Variants in B4GALT5 observed in about 807,000 individuals in gnomAD.
The protein encoded by B4GALT5 is beta-1,4-galactosyltransferase 5, also known as UDP-Gal:beta-GlcNAc beta-1,4-galactosyltransferase 5.
Under a neutral mutation model 45.0 loss-of-function variants are expected in B4GALT5, and 11 were observed. The observed-to-expected ratio is 0.24, with a 90% CI of 0.15 to 0.40. B4GALT5 has a LOEUF of 0.40. Ranked by LOEUF, B4GALT5 falls within the 10% of genes least tolerant of loss-of-function variation. The probability of loss-of-function intolerance (pLI) is 1.00; values close to 1 mark genes in which losing one functional copy is unlikely to be tolerated. For synonymous variants in B4GALT5, 185 were observed against 182.9 expected (o/e 1.01, Z -0.09); for missense variants, 337 against 500.2 (o/e 0.67, Z 3.11).
intron 1 of B4GALT5, among the ~76,000 whole-genome samples, chr20:49,681,334 T>C (rs2085763401): frequency 6.6e-6 from 1 of 151,368 alleles, no homozygotes; most frequent in Non-Finnish European, 1.5e-5. Context: ...GAGCGCTACA[T>C]GCATCCGTAA....
At chr20:49,666,482 A>G (rs958810496) in intron 1 of B4GALT5, among the ~76,000 whole-genome samples, 2 of 152,226 alleles carry the variant, frequency 1.3e-5, no homozygotes, top group African/African-American at 4.8e-5. Context: ...TAAATTCCAG[A>G]AAAACACTGG....
chr20:49,670,445 G>C (rs548631120), intron 1 of B4GALT5, among the ~76,000 whole-genome samples: 1 of 152,034 alleles, frequency 6.6e-6, no homozygotes, highest in East Asian at 1.9e-4. Flanking sequence ...ATTTTTTTGA[G>C]ACAGGGTCTT....
intron 2 of B4GALT5, among the ~76,000 whole-genome samples, chr20:49,655,067 G>C (rs1452464586): frequency 1.3e-5 from 2 of 151,932 alleles, no homozygotes; most frequent in African/African-American, 4.8e-5. Context: ...GGAGGTCAAG[G>C]CTGCAGTGAG....
Position 49,642,458 on chromosome 20 carries a change from G to A in B4GALT5, c.606+10C>T, listed in dbSNP as rs1272730447. 4 of 1,577,462 alleles carry A rather than the reference G, an allele frequency of 2.5e-6. No individual in the cohort carries two copies. The highest frequency in any genetic ancestry group is 2.6e-6 in the Non-Finnish European group (3 of 1,149,096). ...AGAGAAAAAAGAAAGGAAAAGAAAG[G>A]ACTACTCACTTGTTCAACCACATAA... On this transcript the variant is annotated intron_variant, in intron 5 of 8. Transcript: ENST00000371711.
chr20:49,636,241 C>G lies in B4GALT5; in HGVS notation c.*71G>C, dbSNP rs1018824370. The G allele has an allele frequency of 6.9e-5, 108 of 1,565,110 alleles. 1 individual carries two copies. Among genetic ancestry groups the G allele is most frequent in the Middle Eastern group, 3.4e-4 (2 of 5,820 alleles). On this transcript the variant is annotated 3_prime_UTR_variant, in exon 9 of 9. Transcript: ENST00000371711. ...TTCTCTTGCTGTGTAGACCCTCCCC[C>G]CTCCAAAAAAAAATCTCATCGGACT...
At position 49,713,558 on chromosome 20, in the gene B4GALT5, C is replaced by A. The variant is rs1263642951; in HGVS notation, c.115+18G>T. 6.4e-7 allele frequency: 1 copy of A among 1,557,194 alleles called. No individual in the cohort carries two copies. Among genetic ancestry groups the A allele is most frequent in the Non-Finnish European group, 8.7e-7 (1 of 1,151,174 alleles). On this transcript the variant is annotated intron_variant, in intron 1 of 8. Coordinates refer to ENST00000371711, the MANE Select transcript of B4GALT5 (RefSeq NM_004776.4). ...AGGCCAGAGCGGCAGCCGCCGCGGT[C>A]CCAAGCCCCCTTCCTACCTATGCCG...
At chr20:49,639,402 C>T (rs1336856240) in intron 7 of B4GALT5, among the ~76,000 whole-genome samples, 4 of 152,010 alleles carry the variant, frequency 2.6e-5, no homozygotes, top group African/African-American at 9.7e-5. Context: ...ACAGGTCTCA[C>T]TCTGTCACCC....
chr20:49,701,209 T>G (rs546882852), intron 1 of B4GALT5, among the ~76,000 whole-genome samples: 4 of 152,194 alleles, frequency 2.6e-5, no homozygotes, highest in Admixed American at 2.0e-4. Context: ...AATGCAAAGA[T>G]GAGTTTGTAA....
chr20:49,708,872 C>T (rs770131684), intron 1 of B4GALT5, among the ~76,000 whole-genome samples: 4 of 149,762 alleles, frequency 2.7e-5, no homozygotes, highest in Non-Finnish European at 5.9e-5. Context: ...GCGGAGGTTG[C>T]AGTGAGCTGA....
intron 1 of B4GALT5, among the ~76,000 whole-genome samples, chr20:49,684,069 A>G (rs531119468): frequency 4.6e-5 from 7 of 151,818 alleles, no homozygotes; most frequent in Non-Finnish European, 1.0e-4. Flanking sequence ...TGAACCCAGG[A>G]GGTGGAGGCT....
chr20:49,642,352 C>G, intron 5 of B4GALT5, 116 bp downstream of exon 5: 1 of 791,052 alleles, frequency 1.3e-6, no homozygotes, highest in Admixed American at 2.4e-5. Context: ...CCTCAGGCAA[C>G]TCGATCCTAA....
chr20:49,661,582 G>A (rs540363232), intron 1 of B4GALT5, among the ~76,000 whole-genome samples: 3 of 152,188 alleles, frequency 2.0e-5, no homozygotes, highest in Admixed American at 6.5e-5. Context: ...ATGGTCCTGC[G>A]CAACAGTGGC....
At chr20:49,702,761 G>A (rs2085867568) in intron 1 of B4GALT5, among the ~76,000 whole-genome samples, 1 of 151,946 alleles carries the variant, frequency 6.6e-6, no homozygotes, top group Admixed American at 6.6e-5. Flanking sequence ...AGGCTGAGGT[G>A]AGAGAACTAC....
Position 49,643,563 on chromosome 20 carries a change from C to T in B4GALT5, c.452G>A (p.Gly151Asp), listed in dbSNP as rs367589949. The T allele has an allele frequency of 6.2e-7, 1 of 1,614,066 alleles. No homozygotes were observed. The highest frequency in any genetic ancestry group is 8.5e-7 in the Non-Finnish European group (1 of 1,179,994). ...FSKDPTIKLG[G>D]HWKPSDCMPR... ...CATGCAATCAGAAGGCTTCCAGTGA[C>T]CTCCGAGCTTGATGGTTGGGTCTTT... Residue 151 changes from glycine to aspartate, a missense_variant, in exon 4 of 9, where the codon GGT (glycine) becomes GAT (aspartate). By Grantham distance (94) the Gly-to-Asp change is moderately conservative. Transcript: ENST00000371711.
At chr20:49,704,622 G>A (rs2085876529) in intron 1 of B4GALT5, among the ~76,000 whole-genome samples, 1 of 151,122 alleles carries the variant, frequency 6.6e-6, no homozygotes, top group African/African-American at 2.4e-5. Flanking sequence ...GGGAGGCTGA[G>A]GCAGGAGAAT....
At chr20:49,661,015 A>G (rs1018767392) in intron 1 of B4GALT5, among the ~76,000 whole-genome samples, 1 of 152,184 alleles carries the variant, frequency 6.6e-6, no homozygotes, top group Non-Finnish European at 1.5e-5. Flanking sequence ...GCTCTGGCCT[A>G]AAGTAGGAAG....
intron 7 of B4GALT5, among the ~76,000 whole-genome samples, chr20:49,638,717 G>C (rs1243442758): frequency 6.6e-6 from 1 of 150,828 alleles, no homozygotes; most frequent in Non-Finnish European, 1.5e-5. Flanking sequence ...TTAAAGGACA[G>C]AGCTTAAAAA....
chr20:49,649,583 A>C (rs2085612841), intron 2 of B4GALT5, among the ~76,000 whole-genome samples: 1 of 152,154 alleles, frequency 6.6e-6, no homozygotes, highest in Non-Finnish European at 1.5e-5. Flanking sequence ...CTATCTTAAA[A>C]AAAAACAAAA....
At chr20:49,637,290 A>G (rs763913090) in intron 8 of B4GALT5, 51 bp downstream of exon 8, 14 of 1,496,794 alleles carry the variant, frequency 9.4e-6, no homozygotes, top group Middle Eastern at 1.7e-4. Context: ...AGATATCCGG[A>G]CATGAAAGTA....
Sources: gnomAD v4.1 joint callset for allele counts (sites outside exome capture counted in the v4.1 genomes callset) on GRCh38, gnomAD v4.1.1 for gene constraint, MANE v1.5 for transcripts, NCBI Gene and HGNC (gene_info 2026-07-23, HGNC 2026-07-21) for gene names.